The following GPC1 variants were observed in gnomAD, a reference collection of about 807,000 sequenced individuals.
The protein encoded by GPC1 is glypican-1.
Under a neutral mutation model 51.5 loss-of-function variants are expected in GPC1, and 26 were observed. The observed-to-expected ratio is 0.50, with a 90% confidence interval of 0.37 to 0.70. GPC1 has a LOEUF of 0.70. Ranked by LOEUF, GPC1 falls within the 30% of genes least tolerant of loss-of-function variation. The pLI, the probability that GPC1 is intolerant of heterozygous loss-of-function variation, is 0.00. For missense variants in GPC1, 775 were observed against 800.5 expected, an observed-to-expected ratio of 0.97 and a Z score of 0.38; for synonymous variants, 380 against 348.3, an observed-to-expected ratio of 1.09 and a Z score of -1.01.
At chr2:240,457,705 C>A (rs186897009) in intron 1 of GPC1, among the ~76,000 whole-genome samples, 1 of 152,270 alleles carries the variant, frequency 6.6e-6, no homozygotes, top group Non-Finnish European at 1.5e-5. Flanking sequence ...CCCGGGCTGA[C>A]CCCGCCCTCG....
chr2:240,465,065 G>A lies in GPC1; in HGVS notation c.1135-12G>A. ...GCCCTGGCAGCCCAGTGGCCTGACTGCTGCCCCACAGGTCTCCGAAGCCAA... is the reference window on the plus strand; with the variant it reads ...GCCCTGGCAGCCCAGTGGCCTGACTACTGCCCCACAGGTCTCCGAAGCCAA... On this transcript the variant is annotated splice_polypyrimidine_tract_variant and intron_variant, in intron 6 of 8. Coordinates refer to ENST00000264039, the MANE Select transcript of GPC1 (RefSeq NM_002081.3). 6.3e-7 allele frequency: 1 copy of A among 1,597,186 alleles called. No individual in the cohort carries two copies. Among genetic ancestry groups the A allele is most frequent in the Non-Finnish European group, 8.5e-7 (1 of 1,172,850 alleles).
Position 240,466,663 on chromosome 2 carries a change from C to T in GPC1, c.*373C>T. 1 of 204,388 alleles carries T rather than the reference C, an allele frequency of 4.9e-6. No homozygotes were observed. Among genetic ancestry groups the T allele is most frequent in the Non-Finnish European group, 9.7e-6 (1 of 102,950 alleles). 12.7% of individuals were successfully genotyped at this position (204,388 alleles called of 1,614,324 possible). ...CGCTGGAGCCCACAGCGAGCCTGTGCCTTCCTCCCCGCCTCCTCCCACTGG... is the reference window on the plus strand; with the variant it reads ...CGCTGGAGCCCACAGCGAGCCTGTGTCTTCCTCCCCGCCTCCTCCCACTGG... On this transcript the variant is annotated 3_prime_UTR_variant, in exon 9 of 9. Transcript: ENST00000264039.
intron 1 of GPC1, chr2:240,450,961 A>G (rs1376093323): frequency 2.6e-6 from 1 of 390,550 alleles, no homozygotes; most frequent in Non-Finnish European, 5.4e-6. Flanking sequence ...GATGGAGGGA[A>G]GTGGCAGGTC....
At chr2:240,457,286 A>G in intron 1 of GPC1, 1 of 405,214 alleles carries the variant, frequency 2.5e-6, no homozygotes, top group East Asian at 7.5e-5. Flanking sequence ...GGCCCCTCTG[A>G]CAACCTGTCT....
chr2:240,443,243 G>C (rs1283069468), intron 1 of GPC1, among the ~76,000 whole-genome samples: 1 of 152,276 alleles, frequency 6.6e-6, no homozygotes, highest in East Asian at 1.9e-4. Context: ...AGTGGTGTGA[G>C]TGTGCCTTGG....
chr2:240,465,136 G>A lies in GPC1; in HGVS notation c.1194G>A (p.Gly398=), dbSNP rs1470123187. 1 of 1,612,316 alleles carries A rather than the reference G, an allele frequency of 6.2e-7. No individual in the cohort carries two copies. ...DVQDFWISLP[G]TLCSEKMALS... The stretch of plus-strand genomic sequence containing the variant: ...AGGACTTCTGGATCAGCCTCCCAGG[G>A]ACACTGTGCAGTGAGAAGATGGCCC... The change falls in exon 7 of 9, where the codon GGG becomes GGA. Residue 398 remains glycine, a synonymous_variant. Coordinates refer to ENST00000264039, the MANE Select transcript of GPC1 (RefSeq NM_002081.3).
intron 1 of GPC1, among the ~76,000 whole-genome samples, chr2:240,439,138 G>A (rs781436881): frequency 2.0e-5 from 3 of 152,134 alleles, no homozygotes; most frequent in South Asian, 2.1e-4. Context: ...GGGTCTCAGC[G>A]CCCCACCTTG....
chr2:240,438,895 C>T (rs529106666), intron 1 of GPC1, among the ~76,000 whole-genome samples: 4 of 152,254 alleles, frequency 2.6e-5, no homozygotes, highest in South Asian at 2.1e-4. Context: ...GCAGGGCACC[C>T]GGCCACCCTC....
chr2:240,463,659 TGCAGGGTTGAGGG>T, intron 4 of GPC1, 147 bp downstream of exon 4: 1 of 664,722 alleles, frequency 1.5e-6, no homozygotes, highest in East Asian at 2.7e-5. Flanking sequence ...TGGGTGGTGC[TGCAGGGTTGAGGG>T]GCCAGGGTGC....
Position 240,435,891 on chromosome 2 carries a change from G to T in GPC1, c.-28G>T. The T allele has an allele frequency of 3.3e-6, 4 of 1,218,094 alleles. No homozygotes were observed. Among genetic ancestry groups the T allele is most frequent in the South Asian group, 3.6e-5 (1 of 27,808 alleles). 75.5% of individuals were successfully genotyped at this position (1,218,094 alleles called of 1,614,324 possible). ...CCAGGATCCGAGAGAGGCGCGGGCG[G>T]GTGGCCGGGGGCGCCGCCGGCCCCG... is the stretch of plus-strand genomic sequence containing the variant. On this transcript the variant is annotated 5_prime_UTR_variant, in exon 1 of 9. Coordinates refer to ENST00000264039, the MANE Select transcript of GPC1 (RefSeq NM_002081.3).
chr2:240,464,920 G>C lies in GPC1; in HGVS notation c.1079G>C (p.Arg360Pro). The change falls in exon 6 of 9, where the codon CGC becomes CCC. Residue 360 changes from arginine to proline, a missense_variant. Arg to Pro is a moderately radical substitution (Grantham distance 103). Coordinates refer to ENST00000264039, the MANE Select transcript of GPC1 (RefSeq NM_002081.3). ...PQGPGPEEKR[R>P]RGKLAPRERP... is the part of the protein sequence containing the mutation. The stretch of plus-strand genomic sequence containing the variant: ...GGCCCCGGGCCTGAGGAGAAGCGGC[G>C]CCGGGGCAAGCTGGCCCCGCGGGAG... 2 of 1,551,318 alleles carry C rather than the reference G, an allele frequency of 1.3e-6. No homozygotes were observed. The highest frequency in any genetic ancestry group is 1.7e-6 in the Non-Finnish European group (2 of 1,147,656).
chr2:240,445,978 C>T (rs1196728180), intron 1 of GPC1, among the ~76,000 whole-genome samples: 7 of 152,240 alleles, frequency 4.6e-5, no homozygotes, highest in African/African-American at 7.2e-5. Flanking sequence ...TGAGTGCTTC[C>T]TCCATGGTCC....
rs779616004 is a variant in GPC1 at position 240,464,659 on chromosome 2, T to G, written c.927T>G (p.Gly309=). 1.2e-6 allele frequency: 2 copies of G among 1,613,098 alleles called. No homozygotes were observed. The highest frequency in any genetic ancestry group is 3.3e-5 in the Admixed American group (2 of 59,986). Residue 309 remains glycine, a synonymous_variant, in exon 5 of 9, where the codon GGT becomes GGG. Coordinates refer to ENST00000264039, the MANE Select transcript of GPC1 (RefSeq NM_002081.3). The part of the protein sequence containing the change: ...LITDKFWGTS[G]VESVIGSVHT... Reference sequence around the variant, plus strand: ...CCGACAAGTTCTGGGGTACATCGGGTGTGGAGAGTGTCATCGGCAGCGTGC... The same window carrying G: ...CCGACAAGTTCTGGGGTACATCGGGGGTGGAGAGTGTCATCGGCAGCGTGC...
chr2:240,464,949 C>A lies in GPC1; in HGVS notation c.1108C>A (p.Pro370Thr). ...RRGKLAPRERPPSGTLEKLVS... is the reference protein window; with the variant it reads ...RRGKLAPRERTPSGTLEKLVS... ...GGGCAAGCTGGCCCCGCGGGAGAGGCCACCTTCAGGCACGCTGGAGAAGCT... is the reference window on the plus strand; with the variant it reads ...GGGCAAGCTGGCCCCGCGGGAGAGGACACCTTCAGGCACGCTGGAGAAGCT... The change falls in exon 6 of 9, where the codon CCA (proline) becomes ACA (threonine). Residue 370 changes from proline to threonine, a missense_variant. Pro to Thr is a conservative substitution (Grantham distance 38, BLOSUM62 -1). Coordinates refer to ENST00000264039, the MANE Select transcript of GPC1 (RefSeq NM_002081.3). 1 of 1,552,544 alleles carries A rather than the reference C, an allele frequency of 6.4e-7. No homozygotes were observed. The highest frequency in any genetic ancestry group is 8.7e-7 in the Non-Finnish European group (1 of 1,148,290).
chr2:240,459,305 G>C (rs935495880), intron 2 of GPC1, 117 bp downstream of exon 2: 3 of 1,009,418 alleles, frequency 3.0e-6, no homozygotes, highest in Non-Finnish European at 4.4e-6. Context: ...AGGAGGAGGT[G>C]GGGGAGTTAG....
chr2:240,458,198 C>G (rs868343856), intron 1 of GPC1: 155 of 404,830 alleles, frequency 3.8e-4, no homozygotes, highest in South Asian at 2.7e-3. Context: ...TTAAAAAATG[C>G]AGTTTTTCCT....
At chr2:240,447,495 C>G (rs981520766) in intron 1 of GPC1, among the ~76,000 whole-genome samples, 29 of 152,236 alleles carry the variant, frequency 1.9e-4, no homozygotes, top group African/African-American at 6.8e-4. Context: ...CGCCCCTGTC[C>G]CCATGGACCT....
At chr2:240,463,020 TAGGG>T (rs2074229905) in intron 3 of GPC1, among the ~76,000 whole-genome samples, 1 of 152,092 alleles carries the variant, frequency 6.6e-6, no homozygotes, top group South Asian at 2.1e-4. Flanking sequence ...AGCTGGGACA[TAGGG>T]AGGGCGTCAG....
At chr2:240,442,160 GCCT>G (rs1423103728) in intron 1 of GPC1, among the ~76,000 whole-genome samples, 2 of 152,144 alleles carry the variant, frequency 1.3e-5, no homozygotes, top group African/African-American at 2.4e-5. Flanking sequence ...CACAGCACCC[GCCT>G]CCTCCGGCCT....
Sources: allele counts gnomAD v4.1 joint callset (sites outside exome capture counted in the v4.1 genomes callset), GRCh38; gene constraint gnomAD v4.1.1; transcripts MANE v1.5; gene names NCBI Gene and HGNC (gene_info 2026-07-23, HGNC 2026-07-21).